MTMR3: variants seen among roughly 807,000 people sequenced by gnomAD.
MTMR3 encodes myotubularin related protein 3, also known as phosphatidylinositol-3,5-bisphosphate 3-phosphatase MTMR3.
In MTMR3, 32 loss-of-function variants were observed where a neutral mutation model predicts 132.4. The ratio of observed to expected loss-of-function variants is 0.24; its 90% confidence interval spans 0.18 to 0.32. The LOEUF (loss-of-function observed/expected upper bound fraction) is 0.32. Ranked by LOEUF, MTMR3 falls within the 10% of genes least tolerant of loss-of-function variation. The pLI is 1.00. For missense variants in MTMR3, 1,216 were observed against 1,489.6 expected, an observed-to-expected ratio of 0.82 and a Z score of 3.02; for synonymous variants, 556 against 550.3, an observed-to-expected ratio of 1.01 and a Z score of -0.14.
chr22:30,013,595 T>C (rs1321383383), intron 14 of MTMR3, 54 bp downstream of exon 14: 1 of 1,540,604 alleles, frequency 6.5e-7, no homozygotes, highest in Non-Finnish European at 8.9e-7. Context: ...TCAGTACAAA[T>C]GTTAGTGGGC....
At chr22:29,998,650 A>G (rs1228991462) in intron 7 of MTMR3, 111 bp from the exon 8 acceptor site, 1 of 537,448 alleles carries the variant, frequency 1.9e-6, no homozygotes, top group Non-Finnish European at 3.0e-6. Flanking sequence ...CTCAAAAAAT[A>G]TATATATATT....
At chr22:30,025,545 C>A in intron 19 of MTMR3, 85 bp from the exon 20 acceptor site, 1 of 1,429,860 alleles carries the variant, frequency 7.0e-7, no homozygotes, top group Non-Finnish European at 9.8e-7. Context: ...AAATTACACA[C>A]GGCAAAGTTT....
At position 29,904,921 on chromosome 22, in the gene MTMR3, T is replaced by C. The variant is rs143460076; in HGVS notation, c.-138+21562T>C. On this transcript the variant is annotated intron_variant, in intron 1 of 19. Coordinates refer to ENST00000401950, the MANE Select transcript of MTMR3 (RefSeq NM_021090.4). ...GTTGGAGCTTTAGGACAGGGTTGAG[T>C]AGGAGGACCAGTGTTGGAGGAAAAC... 9.6e-3 allele frequency among the ~76,000 whole-genome samples: 1,459 copies of C among 152,172 alleles called. 8 individuals carry two copies. Among genetic ancestry groups the C allele is most frequent in the Admixed American group, 0.013 (195 of 15,276 alleles).
At chr22:29,936,935 G>T (rs900402812) in intron 1 of MTMR3, among the ~76,000 whole-genome samples, 8 of 152,036 alleles carry the variant, frequency 5.3e-5, no homozygotes, top group Non-Finnish European at 1.0e-4. Context: ...TCGTATTACT[G>T]ACTGGCTAAA....
intron 1 of MTMR3, among the ~76,000 whole-genome samples, chr22:29,948,910 A>G (rs996078907): frequency 4.0e-5 from 6 of 151,208 alleles, no homozygotes; most frequent in African/African-American, 9.7e-5. Context: ...TTCAAGACCA[A>G]TGAGACCACA....
chr22:29,923,747 C>T (rs1276052799), intron 1 of MTMR3, among the ~76,000 whole-genome samples: 1 of 152,110 alleles, frequency 6.6e-6, no homozygotes, highest in Non-Finnish European at 1.5e-5. Flanking sequence ...AAGGATCCAT[C>T]TGCATGACCT....
rs561711173 is a variant in MTMR3 at position 30,002,544 on chromosome 22, A to G, written c.558-336A>G. On this transcript the variant is annotated intron_variant, in intron 8 of 19. Transcript: ENST00000401950. The stretch of plus-strand genomic sequence containing the variant: ...CAGCAGAAGAGTTGTAATGGAGTAT[A>G]AAGAGCTGACCCTCGACTCCCCTTT... The G allele has an allele frequency of 5.3e-4, 100 of 187,828 alleles. 1 individual carries two copies. Among genetic ancestry groups the G allele is most frequent in the Middle Eastern group, 5.0e-3 (2 of 402 alleles). 11.6% of individuals were successfully genotyped at this position (187,828 alleles called of 1,614,324 possible).
chr22:29,920,817 C>T (rs1184321032), intron 1 of MTMR3, among the ~76,000 whole-genome samples: 1 of 152,164 alleles, frequency 6.6e-6, no homozygotes, highest in Non-Finnish European at 1.5e-5. Flanking sequence ...TTTGCTGCTT[C>T]TCCTAATTTT....
Position 30,007,922 on chromosome 22 carries a change from C to T in MTMR3, c.899C>T (p.Ser300Leu). Residue 300 changes from serine (S) to leucine (L), a missense_variant, in exon 11 of 20, where the codon TCA (serine) becomes TTA (leucine). Physicochemically the swap from Ser to Leu is moderately radical, Grantham distance 145. This residue lies in a region of MTMR3 where 47 missense variants were observed against 46.8 expected (regional missense o/e 1.00). Transcript: ENST00000401950. ...CTAGATTCTTCTCTGTCAAATGCTTCAGGAGCAGAGAGTTTAGCCATCCAA... is the reference window on the plus strand; with the variant it reads ...CTAGATTCTTCTCTGTCAAATGCTTTAGGAGCAGAGAGTTTAGCCATCCAA... Reference protein sequence around the residue: ...VEFDSSLSNASGAESLAIQPQ... With the variant: ...VEFDSSLSNALGAESLAIQPQ... The T allele has an allele frequency of 6.2e-7, 1 of 1,613,704 alleles. No individual in the cohort carries two copies. Among genetic ancestry groups the T allele is most frequent in the Middle Eastern group, 1.7e-4 (1 of 5,792 alleles).
At chr22:29,949,492 T>TCC (rs1602543114) in intron 1 of MTMR3, among the ~76,000 whole-genome samples, 3 of 101,284 alleles carry the variant, frequency 3.0e-5, no homozygotes, top group Admixed American at 1.0e-4. Context: ...TAAGACTCTG[T>TCC]CCCCCGCGCC....
chr22:29,964,504 G>T (rs1457305466), intron 2 of MTMR3, among the ~76,000 whole-genome samples: 1 of 152,102 alleles, frequency 6.6e-6, no homozygotes, highest in Non-Finnish European at 1.5e-5. Flanking sequence ...ACTTTTCTCA[G>T]ATACTTAAAG....
At chr22:29,892,923 G>A (rs2064827203) in intron 1 of MTMR3, among the ~76,000 whole-genome samples, 1 of 152,176 alleles carries the variant, frequency 6.6e-6, no homozygotes. Context: ...GTCATCACAA[G>A]GATTTGAGAT....
chr22:29,958,695 G>C (rs1291780529), intron 2 of MTMR3, among the ~76,000 whole-genome samples: 1 of 152,088 alleles, frequency 6.6e-6, no homozygotes, highest in African/African-American at 2.4e-5. Flanking sequence ...TTAAATTTCT[G>C]TATCTCTTAA....
At chr22:29,943,410 G>T (rs2065894584) in intron 1 of MTMR3, among the ~76,000 whole-genome samples, 1 of 152,048 alleles carries the variant, frequency 6.6e-6, no homozygotes, top group African/African-American at 2.4e-5. Flanking sequence ...AGCCAGGATG[G>T]TCTCGATCTG....
chr22:29,945,870 A>G (rs1433966950), intron 1 of MTMR3, among the ~76,000 whole-genome samples: 1 of 152,216 alleles, frequency 6.6e-6, no homozygotes, highest in Non-Finnish European at 1.5e-5. Flanking sequence ...AACTTGTTTA[A>G]TTTGGAAATG....
rs144359332 is a variant in MTMR3, at chr22:29,967,297, C to T, written c.-84-3679C>T. 4.5e-3 allele frequency among the ~76,000 whole-genome samples: 676 copies of T among 151,704 alleles called. 7 individuals carry two copies. The highest frequency in any genetic ancestry group is 0.015 in the African/African-American group (638 of 41,286). Reference sequence around the variant, plus strand: ...TTGCTCTGTCACTCAGGCTGGAGTGCAGTAGCATAAGCTCACTGCAGCCTT... The same window carrying T: ...TTGCTCTGTCACTCAGGCTGGAGTGTAGTAGCATAAGCTCACTGCAGCCTT... On this transcript the variant is annotated intron_variant, in intron 2 of 19. Transcript: ENST00000401950.
At chr22:30,006,052 C>T (rs2067267766) in intron 9 of MTMR3, 1 of 152,186 alleles carries the variant, frequency 6.6e-6, no homozygotes, top group Admixed American at 6.5e-5. Context: ...CCTTTTGTGA[C>T]TGACTTCTTT....
intron 1 of MTMR3, among the ~76,000 whole-genome samples, chr22:29,913,738 T>C (rs1413874701): frequency 3.3e-5 from 5 of 151,866 alleles, no homozygotes; most frequent in Admixed American, 6.6e-5. Context: ...TTTTTTTTTT[T>C]CCAGGTTTTG....
At chr22:29,907,236 T>TA (rs1421665578) in intron 1 of MTMR3, among the ~76,000 whole-genome samples, 6 of 151,708 alleles carry the variant, frequency 4.0e-5, no homozygotes, top group African/African-American at 4.8e-5. Context: ...CCGTCCCTAC[T>TA]AAAAAAATAC....
Sources: gnomAD v4.1 joint callset for allele counts (sites outside exome capture counted in the v4.1 genomes callset) on GRCh38, gnomAD v4.1.1 for gene constraint, gnomAD v4.1.1 regional missense constraint, MANE v1.5 for transcripts, NCBI Gene and HGNC (gene_info 2026-07-23, HGNC 2026-07-21) for gene names.